The following BCL7B variants were observed in gnomAD, a reference collection of about 807,000 sequenced individuals.
BCL7B encodes BAF chromatin remodeling complex subunit BCL7B, also known as B-cell CLL/lymphoma 7 protein family member B.
In BCL7B, 11 loss-of-function variants were observed where a neutral mutation model predicts 26.5. The observed-to-expected ratio is 0.42, with a 90% CI of 0.26 to 0.69. The LOEUF is 0.69. Ranked by LOEUF, BCL7B falls within the 30% of genes least tolerant of loss-of-function variation. BCL7B has a pLI of 0.28. For missense variants in BCL7B, 215 were observed against 264.4 expected (o/e 0.81, Z 1.30); for synonymous variants, 111 against 107.9 (o/e 1.03, Z -0.18).
At chr7:73,549,659 C>CA (rs1304308817) in intron 2 of BCL7B, among the ~76,000 whole-genome samples, 3 of 151,718 alleles carry the variant, frequency 2.0e-5, no homozygotes, top group South Asian at 2.1e-4. Flanking sequence ...CCAAAACAAA[C>CA]AAAAAAAAGA....
At chr7:73,538,953 G>T (rs2057997) in intron 4 of BCL7B, among the ~76,000 whole-genome samples, 1 of 151,830 alleles carries the variant, frequency 6.6e-6, no homozygotes, top group Non-Finnish European at 1.5e-5. Context: ...TCAGACAAGC[G>T]ATTTAACCTT....
chr7:73,557,316 C>A, intron 1 of BCL7B, 171 bp downstream of exon 1: 2 of 1,167,202 alleles, frequency 1.7e-6, no homozygotes, highest in Non-Finnish European at 2.1e-6. Context: ...TTGGCCGCGG[C>A]CGGCGCGCCC....
intron 4 of BCL7B, among the ~76,000 whole-genome samples, chr7:73,538,572 T>TG (rs1791628551): frequency 6.6e-6 from 1 of 151,842 alleles, no homozygotes; most frequent in Non-Finnish European, 1.5e-5. Context: ...CCAGCTACTC[T>TG]GGAGGCTGAG....
intron 1 of BCL7B, among the ~76,000 whole-genome samples, chr7:73,556,709 A>C (rs1401521338): frequency 1.3e-5 from 2 of 152,072 alleles, no homozygotes; most frequent in Admixed American, 6.5e-5. Flanking sequence ...GCAGCCTCCA[A>C]CTCCTGGGTC....
At chr7:73,551,369 G>C (rs1403807362) in intron 2 of BCL7B, among the ~76,000 whole-genome samples, 1 of 152,144 alleles carries the variant, frequency 6.6e-6, no homozygotes, top group Non-Finnish European at 1.5e-5. Flanking sequence ...GCGGGATCTT[G>C]GCTCACTGCA....
At position 73,539,905 on chromosome 7, in the gene BCL7B, G is replaced by A. The variant is rs782766469; in HGVS notation, c.413C>T (p.Thr138Met). 7 of 1,613,828 alleles carry A rather than the reference G, an allele frequency of 4.3e-6. No homozygotes were observed. The highest frequency in any genetic ancestry group is 2.2e-5 in the South Asian group (2 of 91,078). Residue 138 changes from threonine to methionine, a missense_variant, in exon 4 of 6, where the codon ACG becomes ATG. By Grantham distance (81) the Thr-to-Met change is moderately conservative. Transcript: ENST00000223368. The part of the protein sequence containing the change: ...DFRTDDSQPP[T>M]LGQEILEEPS... ...ACCCTCCAGGATCTCCTGGCCCAGC[G>A]TTGGGGGCTGGGAGTCATCCGTGCG...
At chr7:73,549,058 C>T (rs941542137) in intron 2 of BCL7B, among the ~76,000 whole-genome samples, 12 of 152,332 alleles carry the variant, frequency 7.9e-5, no homozygotes, top group African/African-American at 2.9e-4. Context: ...TCAAAACATA[C>T]ATACCCTAAG....
Position 73,537,192 on chromosome 7 carries a change from C to T in BCL7B, c.*106G>A, listed in dbSNP as rs1255551253. ...TTCCAGCCCGGAAGGCTCATGTGTG[C>T]AGGCTCTTGACCCCAGTGCTTGCCC... On this transcript the variant is annotated 3_prime_UTR_variant, in exon 6 of 6. Coordinates refer to ENST00000223368, the MANE Select transcript of BCL7B (RefSeq NM_001707.4). 2 of 1,065,802 alleles carry T rather than the reference C, an allele frequency of 1.9e-6. No homozygotes were observed. Among genetic ancestry groups the T allele is most frequent in the Non-Finnish European group, 2.8e-6 (2 of 707,360 alleles). The allele number at this position is 1,065,802 out of a possible 1,614,324, so 66.0% of individuals were successfully genotyped here.
At chr7:73,551,106 C>T (rs1792149101) in intron 2 of BCL7B, among the ~76,000 whole-genome samples, 1 of 152,164 alleles carries the variant, frequency 6.6e-6, no homozygotes, top group Non-Finnish European at 1.5e-5. Flanking sequence ...ACATATGATA[C>T]ACACAATACA....
intron 2 of BCL7B, among the ~76,000 whole-genome samples, chr7:73,550,056 GT>G (rs1792100109): frequency 6.6e-6 from 1 of 152,024 alleles, no homozygotes; most frequent in Admixed American, 6.6e-5. Flanking sequence ...GTACATTTAT[GT>G]TTTATATACT....
chr7:73,552,766 G>C (rs1792224629), intron 1 of BCL7B, among the ~76,000 whole-genome samples: 1 of 151,698 alleles, frequency 6.6e-6, no homozygotes, highest in South Asian at 2.1e-4. Context: ...GGGCAACAGA[G>C]ACCCTGTCTC....
intron 5 of BCL7B, 98 bp from the exon 6 acceptor site, chr7:73,537,488 C>T: frequency 1.1e-6 from 1 of 882,460 alleles, no homozygotes; most frequent in Non-Finnish European, 1.8e-6. Flanking sequence ...CTGCTCCTTC[C>T]AGCAGATGAT....
intron 2 of BCL7B, among the ~76,000 whole-genome samples, chr7:73,546,203 G>A (rs1791951903): frequency 6.6e-6 from 1 of 151,386 alleles, no homozygotes; most frequent in East Asian, 1.9e-4. Context: ...CACATTACCA[G>A]CCAATGCAAT....
chr7:73,538,517 A>G (rs1243602961), intron 4 of BCL7B, among the ~76,000 whole-genome samples: 1 of 152,180 alleles, frequency 6.6e-6, no homozygotes, highest in East Asian at 1.9e-4. Context: ...TATCCATATT[A>G]TAACAAGAAA....
chr7:73,546,856 A>G (rs142677262), intron 2 of BCL7B, among the ~76,000 whole-genome samples: 33 of 152,332 alleles, frequency 2.2e-4, no homozygotes, highest in Non-Finnish European at 4.0e-4. Context: ...GAAATGAATG[A>G]GAGAAAAGTT....
intron 3 of BCL7B, 53 bp from the exon 4 acceptor site, chr7:73,540,105 G>A: frequency 6.4e-7 from 1 of 1,573,134 alleles, no homozygotes; most frequent in East Asian, 2.3e-5. Context: ...TTTTCCTCAA[G>A]AGGAACTCTG....
At position 73,551,195 on chromosome 7, in the gene BCL7B, C is replaced by T. The variant is rs369108462; in HGVS notation, c.168+972G>A. On this transcript the variant is annotated intron_variant, in intron 2 of 5. Coordinates refer to ENST00000223368, the MANE Select transcript of BCL7B (RefSeq NM_001707.4). Reference sequence around the variant, plus strand: ...CAGATGATAAATATTTTAGGTTTTACGGGCCATTTGGCCTTATGGCAACCA... The same window carrying T: ...CAGATGATAAATATTTTAGGTTTTATGGGCCATTTGGCCTTATGGCAACCA... Among the ~76,000 whole-genome samples the T allele has an allele frequency of 8.5e-5, 13 of 152,326 alleles. 1 individual carries two copies. Among genetic ancestry groups the T allele is most frequent in the Admixed American group, 5.9e-4 (9 of 15,302 alleles).
At position 73,536,977 on chromosome 7, in the gene BCL7B, C is replaced by T. The variant is rs1791555044; in HGVS notation, c.*321G>A. 1.1e-5 allele frequency: 3 copies of T among 261,758 alleles called. No homozygotes were observed. Among genetic ancestry groups the T allele is most frequent in the Admixed American group, 4.7e-5 (1 of 21,212 alleles). The allele number at this position is 261,758 out of a possible 1,614,324, so 16.2% of individuals were successfully genotyped here. A position where few individuals can be genotyped will look rare whatever the true frequency, so the allele number is the denominator to read the frequency against. ...CATCTCTCTCTTCTCGCAGAAGCTGCCAGCAGCTCCGTCCAGAGATTCTGG... is the reference window on the plus strand; with the variant it reads ...CATCTCTCTCTTCTCGCAGAAGCTGTCAGCAGCTCCGTCCAGAGATTCTGG... On this transcript the variant is annotated 3_prime_UTR_variant, in exon 6 of 6. Coordinates refer to ENST00000223368, the MANE Select transcript of BCL7B (RefSeq NM_001707.4).
At position 73,550,169 on chromosome 7, in the gene BCL7B, G is replaced by T. The variant is rs76505056; in HGVS notation, c.168+1998C>A. Among the ~76,000 whole-genome samples, 766 of 152,202 alleles carry T rather than the reference G, an allele frequency of 5.0e-3. 8 individuals are homozygous for T. Among genetic ancestry groups the T allele is most frequent in the Non-Finnish European group, 8.5e-3 (581 of 68,012 alleles). The stretch of plus-strand genomic sequence containing the variant: ...TCACCCAGAAAATATGTAGATAAAG[G>T]TACTCACTGCAAATAAGAAAATGCA... On this transcript the variant is annotated intron_variant, in intron 2 of 5. Transcript: ENST00000223368.
Sources: gnomAD v4.1 joint callset for allele counts (sites outside exome capture counted in the v4.1 genomes callset) on GRCh38, gnomAD v4.1.1 for gene constraint, MANE v1.5 for transcripts, NCBI Gene and HGNC (gene_info 2026-07-23, HGNC 2026-07-21) for gene names.